WWC2: variants seen among roughly 807,000 people sequenced by gnomAD.
WWC2 encodes WW and C2 domain containing 2, also known as protein WWC2.
A neutral mutation model predicts 138.5 loss-of-function variants in WWC2; 101 were observed. That is an observed-to-expected ratio of 0.73 (90% CI 0.62 to 0.86). WWC2 has a LOEUF of 0.86. Ranked by LOEUF, WWC2 falls within the 40% of genes least tolerant of loss-of-function variation. The pLI is 0.00. For missense variants in WWC2, 1,420 were observed against 1,419.4 expected (o/e 1.00, Z -0.01); for synonymous variants, 558 against 538.4 (o/e 1.04, Z -0.50).
intron 4 of WWC2, among the ~76,000 whole-genome samples, chr4:183,219,336 A>G (rs1298976928): frequency 2.0e-5 from 3 of 152,200 alleles, no homozygotes; most frequent in Non-Finnish European, 4.4e-5. Flanking sequence ...TTACCACAAA[A>G]ATAAAGAATA....
At chr4:183,118,743 A>T (rs540756117) in intron 1 of WWC2, among the ~76,000 whole-genome samples, 43 of 152,312 alleles carry the variant, frequency 2.8e-4, no homozygotes, top group Non-Finnish European at 5.6e-4. Flanking sequence ...ACACATTGAC[A>T]AAACATTCCT....
chr4:183,184,722 TCCA>T (rs1173008330), intron 1 of WWC2, among the ~76,000 whole-genome samples: 1 of 152,188 alleles, frequency 6.6e-6, no homozygotes, highest in African/African-American at 2.4e-5. Context: ...GATTTGCATT[TCCA>T]TAATAACTAA....
At chr4:183,211,972 C>T (rs1735610920) in intron 4 of WWC2, among the ~76,000 whole-genome samples, 1 of 152,070 alleles carries the variant, frequency 6.6e-6, no homozygotes, top group Admixed American at 6.6e-5. Context: ...CAGGCACCTG[C>T]CACCACGCCC....
intron 4 of WWC2, among the ~76,000 whole-genome samples, chr4:183,236,150 A>C (rs929675484): frequency 6.6e-6 from 1 of 152,156 alleles, no homozygotes; most frequent in Admixed American, 6.5e-5. Flanking sequence ...CATTGTCAAA[A>C]ATGAGTTCAC....
rs532027044 is a variant in WWC2, at chr4:183,176,870, C to T, written c.132-16729C>T. Among the ~76,000 whole-genome samples, 3 of 152,286 alleles carry T rather than the reference C, an allele frequency of 2.0e-5. No individual in the cohort carries two copies. In the East Asian group the frequency reaches 5.8e-4, roughly 29 times the overall value. ...CACCGGCCTCACACTCCAGGCAGAA[C>T]GCTGTGCCCTCCTCATGGAGGAGTT... On this transcript the variant is annotated intron_variant, in intron 1 of 22. Coordinates refer to ENST00000403733, the MANE Select transcript of WWC2 (RefSeq NM_024949.6).
At chr4:183,290,043 AT>A (rs1426683920) in intron 21 of WWC2, among the ~76,000 whole-genome samples, 4 of 152,174 alleles carry the variant, frequency 2.6e-5, no homozygotes, top group African/African-American at 9.7e-5. Context: ...TTCTATAGAT[AT>A]CTTTTTAAGG....
chr4:183,113,070 C>G (rs919242197), intron 1 of WWC2, among the ~76,000 whole-genome samples: 1 of 151,934 alleles, frequency 6.6e-6, no homozygotes, highest in African/African-American at 2.4e-5. Flanking sequence ...GTCAGGAGTT[C>G]GAGACCAGCC....
At chr4:183,121,344 AT>A (rs112326918) in intron 1 of WWC2, among the ~76,000 whole-genome samples, 4,203 of 146,734 alleles carry the variant, frequency 0.029, 182 homozygotes, top group African/African-American at 0.094. Flanking sequence ...CAGATTTTGG[AT>A]TTTTTTTTTT....
chr4:183,123,181 C>G (rs1462256893), intron 1 of WWC2, among the ~76,000 whole-genome samples: 3 of 152,130 alleles, frequency 2.0e-5, no homozygotes, highest in African/African-American at 4.8e-5. Flanking sequence ...TAGAGAAACT[C>G]TTGCATGTAT....
intron 2 of WWC2, among the ~76,000 whole-genome samples, chr4:183,195,556 C>T (rs986480451): frequency 1.3e-5 from 2 of 152,058 alleles, no homozygotes; most frequent in African/African-American, 4.8e-5. Context: ...TAGTTATTTC[C>T]TGATTTTAAA....
At chr4:183,305,850 G>GGT in intron 21 of WWC2, among the ~76,000 whole-genome samples, 1 of 152,094 alleles carries the variant, frequency 6.6e-6, no homozygotes, top group South Asian at 2.1e-4. Context: ...AATAAACCAA[G>GGT]GTAAAATAAG....
chr4:183,133,122 CTTT>C (rs1183638516), intron 1 of WWC2, among the ~76,000 whole-genome samples: 1 of 136,998 alleles, frequency 7.3e-6, no homozygotes, highest in Non-Finnish European at 1.6e-5. Flanking sequence ...TTTTCCTTCC[CTTT>C]TTTTCTTTTC....
intron 4 of WWC2, among the ~76,000 whole-genome samples, chr4:183,231,160 G>A (rs748689584): frequency 4.6e-5 from 7 of 151,504 alleles, no homozygotes; most frequent in Non-Finnish European, 1.0e-4. Flanking sequence ...AATAGCTAAG[G>A]TGGGCTTATC....
chr4:183,155,223 A>AGT (rs1554067856), intron 1 of WWC2, among the ~76,000 whole-genome samples: 1 of 147,638 alleles, frequency 6.8e-6, no homozygotes, highest in African/African-American at 2.5e-5. Context: ...AGAGAGAGAG[A>AGT]GTTAGTTGAC....
intron 4 of WWC2, among the ~76,000 whole-genome samples, chr4:183,221,141 A>G (rs903701988): frequency 2.6e-5 from 4 of 152,356 alleles, no homozygotes; most frequent in African/African-American, 9.6e-5. Flanking sequence ...ACAAATCCGA[A>G]GAATGTTGCA....
chr4:183,260,168 C>G (rs1183546743), intron 10 of WWC2, among the ~76,000 whole-genome samples: 2 of 152,090 alleles, frequency 1.3e-5, no homozygotes, highest in Admixed American at 6.5e-5. Context: ...CTTCTTTTCT[C>G]TAAAAATAAA....
chr4:183,304,918 C>G (rs867000813), intron 21 of WWC2, among the ~76,000 whole-genome samples: 1 of 152,140 alleles, frequency 6.6e-6, no homozygotes, highest in South Asian at 2.1e-4. Context: ...GCATCAGAAC[C>G]AGACTCACAC....
chr4:183,307,238 G>A (rs1739051355), intron 21 of WWC2, among the ~76,000 whole-genome samples: 1 of 152,114 alleles, frequency 6.6e-6, no homozygotes, highest in African/African-American at 2.4e-5. Flanking sequence ...AATAACAGAT[G>A]GGTCAAAGGA....
intron 2 of WWC2, among the ~76,000 whole-genome samples, chr4:183,194,698 T>C (rs1302519889): frequency 1.3e-5 from 2 of 152,152 alleles, no homozygotes; most frequent in South Asian, 2.1e-4. Flanking sequence ...CAAAAAAGCC[T>C]GTATTATTAG....
Sources: gnomAD v4.1 joint callset for allele counts (sites outside exome capture counted in the v4.1 genomes callset) on GRCh38, gnomAD v4.1.1 for gene constraint, MANE v1.5 for transcripts, NCBI Gene and HGNC (gene_info 2026-07-23, HGNC 2026-07-21) for gene names.